The following CIT variants were observed in gnomAD, a reference collection of about 807,000 sequenced individuals.
CIT encodes the protein citron rho-interacting serine/threonine kinase, also known as citron Rho-interacting kinase.
Under a neutral mutation model 272.7 loss-of-function variants are expected in CIT, and 79 were observed. The observed-to-expected ratio is 0.29, with a 90% CI of 0.24 to 0.35. The LOEUF is 0.35. Among genes scored for constraint, CIT ranks in the 10% least tolerant of loss-of-function variants. The pLI is 1.00. For missense variants in CIT, 1,909 were observed against 2,618.3 expected (o/e 0.73, Z 5.91); for synonymous variants, 948 against 995.6 (o/e 0.95, Z 0.90).
At chr12:119,856,249 T>A (rs1389380456) in intron 4 of CIT, among the ~76,000 whole-genome samples, 1 of 152,108 alleles carries the variant, frequency 6.6e-6, no homozygotes, top group African/African-American at 2.4e-5. Flanking sequence ...TAAACTGCAA[T>A]TCAAAAACTG....
At chr12:119,754,046 C>T (rs1211361103) in intron 22 of CIT, among the ~76,000 whole-genome samples, 1 of 152,188 alleles carries the variant, frequency 6.6e-6, no homozygotes, top group Non-Finnish European at 1.5e-5. Flanking sequence ...GCTATTATCT[C>T]TCTCTAGTGA....
rs567838142 is a variant in CIT at position 119,688,139 on chromosome 12, C to T, written c.*93G>A. The T allele has an allele frequency of 7.2e-6, 10 of 1,391,114 alleles. No individual in the cohort carries two copies. Among genetic ancestry groups the T allele is most frequent in the South Asian group, 5.8e-5 (5 of 86,324 alleles). The allele number at this position is 1,391,114 out of a possible 1,614,324, so 86.2% of individuals were successfully genotyped here. A position where few individuals can be genotyped will look rare whatever the true frequency, so the allele number is the denominator to read the frequency against. The stretch of plus-strand genomic sequence containing the variant: ...CGCTGAGCCAGAGGGTGGCTGAGCA[C>T]GTGGGCGCTTGGGTCCCCATCAGCA... On this transcript the variant is annotated 3_prime_UTR_variant, in exon 48 of 48. Coordinates refer to ENST00000392521, the MANE Select transcript of CIT (RefSeq NM_001206999.2).
chr12:119,825,217 G>T lies in CIT; in HGVS notation c.905C>A (p.Pro302His), dbSNP rs1471771391. Residue 302 changes from proline (P) to histidine (H), a missense_variant, in exon 8 of 48, where the codon CCC becomes CAC. Around this residue, in one of 8 missense-constraint regions of CIT, gnomAD observed 529 missense variants for 549.6 expected, o/e 0.96. Transcript: ENST00000392521. ...TCTGGCAGAGGTTCCCTCTGCGAAGGGGGATCTCCCATAAATCATCTCATA... is the reference window on the plus strand; with the variant it reads ...TCTGGCAGAGGTTCCCTCTGCGAAGTGGGATCTCCCATAAATCATCTCATA... ...IAYEMIYGRS[P>H]FAEGTSARTF... 5.6e-6 allele frequency: 9 copies of T among 1,614,062 alleles called. No individual in the cohort carries two copies. The highest frequency in any genetic ancestry group is 1.6e-4 in the Middle Eastern group (1 of 6,062).
At chr12:119,779,955 A>G (rs1593713529) in intron 13 of CIT, among the ~76,000 whole-genome samples, 2 of 152,242 alleles carry the variant, frequency 1.3e-5, no homozygotes, top group South Asian at 4.1e-4. Flanking sequence ...TTGCAAGATC[A>G]GCTGAGAGAG....
intron 5 of CIT, among the ~76,000 whole-genome samples, chr12:119,836,959 C>G (rs1024233464): frequency 6.6e-6 from 1 of 152,210 alleles, no homozygotes; most frequent in Non-Finnish European, 1.5e-5. Flanking sequence ...CAAGTCAGAT[C>G]AGTCTAAGAG....
chr12:119,871,655 A>G (rs538053136), intron 2 of CIT, among the ~76,000 whole-genome samples: 112 of 152,224 alleles, frequency 7.4e-4, no homozygotes, highest in African/African-American at 2.4e-3. Context: ...GGAGTTCAAG[A>G]CCAGCCAGGG....
At chr12:119,711,862 G>A in intron 37 of CIT, among the ~76,000 whole-genome samples, 1 of 152,052 alleles carries the variant, frequency 6.6e-6, no homozygotes, top group Non-Finnish European at 1.5e-5. Context: ...TTGCTATCTT[G>A]CCCAGTCTGG....
chr12:119,712,491 C>T lies in CIT; in HGVS notation c.4684+100G>A. On this transcript the variant is annotated intron_variant, in intron 36 of 47. Transcript: ENST00000392521. The surrounding 1 kb of genome is among the most constrained non-coding windows in gnomAD (Gnocchi z 5.2). ...GCGGGGAGCGGAGGAAGATGGGCCT[C>T]CTTTGCAGAGCCAATCTTCCCTGTA... 2 of 1,397,850 alleles carry T rather than the reference C, an allele frequency of 1.4e-6. No individual in the cohort carries two copies. The highest frequency in any genetic ancestry group is 2.0e-6 in the Non-Finnish European group (2 of 1,002,342). 86.6% of individuals were successfully genotyped at this position (1,397,850 alleles called of 1,614,324 possible).
At chr12:119,861,098 G>C (rs1247630934) in intron 3 of CIT, among the ~76,000 whole-genome samples, 1 of 151,758 alleles carries the variant, frequency 6.6e-6, no homozygotes, top group East Asian at 1.9e-4. Flanking sequence ...TCCAGCCTAG[G>C]GGATACAGCG....
intron 9 of CIT, among the ~76,000 whole-genome samples, chr12:119,814,353 C>T (rs977734424): frequency 6.6e-6 from 1 of 152,204 alleles, no homozygotes; most frequent in Admixed American, 6.5e-5. Context: ...TATTTGCCTA[C>T]ATATCCCATA....
chr12:119,753,601 G>T (rs879296464), intron 22 of CIT, among the ~76,000 whole-genome samples: 1 of 152,032 alleles, frequency 6.6e-6, no homozygotes, highest in East Asian at 1.9e-4. Context: ...GCTGGGTGTG[G>T]TGGCACACAC....
In CIT at chr12:119,710,867, A is replaced by C. The variant is rs1957126506; in HGVS notation, c.4855-247T>G. 2 of 631,002 alleles carry C rather than the reference A, an allele frequency of 3.2e-6. No homozygotes were observed. Among genetic ancestry groups the C allele is most frequent in the Admixed American group, 2.9e-5 (1 of 33,964 alleles). 39.1% of individuals were successfully genotyped at this position (631,002 alleles called of 1,614,324 possible). A position where few individuals can be genotyped will look rare whatever the true frequency, so the allele number is the denominator to read the frequency against. ...GAGTTATAATTTGGCTGGGATGCAG[A>C]AATAAGGGAGGGTAGTAGACATGGA... On this transcript the variant is annotated intron_variant, in intron 37 of 47. Coordinates refer to ENST00000392521, the MANE Select transcript of CIT (RefSeq NM_001206999.2). This position sits in a 1 kb window ranked among gnomAD's most constrained non-coding sequence, Gnocchi z 5.6.
At chr12:119,787,994 G>A (rs1964961679) in intron 10 of CIT, among the ~76,000 whole-genome samples, 1 of 152,130 alleles carries the variant, frequency 6.6e-6, no homozygotes, top group Non-Finnish European at 1.5e-5. Context: ...TACTACCCAT[G>A]CAACTTCATA....
rs932978140 is a variant in CIT at position 119,776,391 on chromosome 12, C to T, written c.1854G>A (p.Lys618=). The change falls in exon 15 of 48, where the codon AAG becomes AAA. Residue 618 remains lysine, a synonymous_variant. Coordinates refer to ENST00000392521, the MANE Select transcript of CIT (RefSeq NM_001206999.2). ...HKLLKAKDQG[K]PEVGEYAKLE... ...GTTTCGCATATTCTCCCACTTCAGG[C>T]TTCCCTTGATCCTTAGCCTGTAATT... 1.9e-6 allele frequency: 3 copies of T among 1,613,650 alleles called. No homozygotes were observed. The African/African-American group carries it at 4.0e-5, about 22-fold the overall frequency.
chr12:119,767,073 G>A lies in CIT; in HGVS notation c.2304+14C>T. ...ATAGGAGCAAGGCCAGGGAAGATCA[G>A]AAAATGTCTTTACTTTAATCTTTTC... On this transcript the variant is annotated intron_variant, in intron 19 of 47. Transcript: ENST00000392521. 1.9e-6 allele frequency: 3 copies of A among 1,600,072 alleles called. No individual in the cohort carries two copies. The African/African-American group carries it at 4.0e-5, about 21-fold the overall frequency.
intron 16 of CIT, among the ~76,000 whole-genome samples, chr12:119,774,099 G>T (rs927689463): frequency 6.6e-6 from 1 of 152,188 alleles, no homozygotes; most frequent in Non-Finnish European, 1.5e-5. Flanking sequence ...ATATAAAGTA[G>T]TCAAAATCAT....
chr12:119,708,336 CA>C lies in CIT; in HGVS notation c.5072-19del, dbSNP rs2044221655. 1 of 1,564,306 alleles carries C rather than the reference CA, an allele frequency of 6.4e-7. No homozygotes were observed. Among genetic ancestry groups the C allele is most frequent in the African/African-American group, 1.4e-5 (1 of 73,002 alleles). ...CTCTTCTCCTGAACAGGAAAAGGAA[CA>C]ACCTCTCGTCAGTGTGAAGCCGTTA... On this transcript the variant is annotated intron_variant, in intron 39 of 47. Coordinates refer to ENST00000392521, the MANE Select transcript of CIT (RefSeq NM_001206999.2).
intron 9 of CIT, among the ~76,000 whole-genome samples, chr12:119,808,774 T>C (rs1966744868): frequency 6.6e-6 from 1 of 152,180 alleles, no homozygotes; most frequent in Non-Finnish European, 1.5e-5. Flanking sequence ...TTTAAAAAAA[T>C]GTTAATTGAC....
intron 4 of CIT, among the ~76,000 whole-genome samples, chr12:119,856,649 T>C (rs1950179245): frequency 6.6e-6 from 1 of 152,038 alleles, no homozygotes; most frequent in South Asian, 2.1e-4. Context: ...AGAACCTACA[T>C]TTCCCCCCAT....
Sources: allele counts gnomAD v4.1 joint callset (sites outside exome capture counted in the v4.1 genomes callset), GRCh38; gene constraint gnomAD v4.1.1; regional missense constraint gnomAD v4.1.1; non-coding constraint Gnocchi (gnomAD v3.1); transcripts MANE v1.5; gene names NCBI Gene and HGNC (gene_info 2026-07-23, HGNC 2026-07-21).